Variants in SETD7 observed in about 807,000 individuals in gnomAD.
SETD7 encodes the protein histone-lysine N-methyltransferase SETD7.
A neutral mutation model predicts 41.8 loss-of-function variants in SETD7; 16 were observed. That is an observed-to-expected ratio of 0.38 (90% CI 0.26 to 0.58). SETD7 has a LOEUF of 0.58. SETD7 is among the 20% of genes least tolerant of loss of function. SETD7 has a pLI of 0.64. For missense variants in SETD7, 346 were observed against 459.7 expected (o/e 0.75, Z 2.26); for synonymous variants, 163 against 169.7 (o/e 0.96, Z 0.31).
At chr4:139,524,897 A>G (rs1579209614) in intron 4 of SETD7, among the ~76,000 whole-genome samples, 1 of 151,970 alleles carries the variant, frequency 6.6e-6, no homozygotes, top group African/African-American at 2.4e-5. Context: ...GCTCACTGCA[A>G]CCTCTGCCTC....
At position 139,552,052 on chromosome 4, in the gene SETD7, C is replaced by T. The variant is rs373267270; in HGVS notation, c.40+4046G>A. Among the ~76,000 whole-genome samples, 35 of 151,890 alleles carry T rather than the reference C, an allele frequency of 2.3e-4. 2 individuals carry two copies. The East Asian group carries it at 3.7e-3, about 16-fold the overall frequency. On this transcript the variant is annotated intron_variant, in intron 1 of 7. Transcript: ENST00000274031. ...AACTTTTATTTTAGATCCGGGGGTA[C>T]ATATGAAAGTTTGTTACCTGGATAA...
chr4:139,534,072 C>T (rs1376391096), intron 2 of SETD7, among the ~76,000 whole-genome samples: 1 of 152,090 alleles, frequency 6.6e-6, no homozygotes, highest in Non-Finnish European at 1.5e-5. Flanking sequence ...CTGCTGATAT[C>T]ATTAGCATCC....
intron 2 of SETD7, among the ~76,000 whole-genome samples, chr4:139,536,555 T>C (rs183668274): frequency 6.6e-6 from 1 of 151,704 alleles, no homozygotes; most frequent in African/African-American, 2.4e-5. Context: ...CTACTAAAAA[T>C]ACAAAAATTA....
chr4:139,518,348 C>G (rs1184207425), intron 6 of SETD7, among the ~76,000 whole-genome samples: 4 of 152,078 alleles, frequency 2.6e-5, no homozygotes, highest in Admixed American at 2.0e-4. Flanking sequence ...AGGCTGGTCT[C>G]GAACTCCTGA....
At position 139,508,123 on chromosome 4, in the gene SETD7, A is replaced by T. The variant is rs944333852; in HGVS notation, c.*3540T>A. The T allele has an allele frequency of 4.6e-5, 7 of 152,206 alleles. No homozygotes were observed. Among genetic ancestry groups the T allele is most frequent in the African/African-American group, 1.7e-4 (7 of 41,450 alleles). The allele number at this position is 152,206 out of a possible 1,614,324, so 9.4% of individuals were successfully genotyped here. A position where few individuals can be genotyped will look rare whatever the true frequency, so the allele number is the denominator to read the frequency against. ...ACAACCCTTTAATTCACTGTTCACA[A>T]TTAATGCAATTTTAATAGTTATATT... is the stretch of plus-strand genomic sequence containing the variant. On this transcript the variant is annotated 3_prime_UTR_variant, in exon 8 of 8. Coordinates refer to ENST00000274031, the MANE Select transcript of SETD7 (RefSeq NM_030648.4).
downstream of SETD7, among the ~76,000 whole-genome samples, chr4:139,504,035 A>G (rs763128792): frequency 5.9e-5 from 9 of 152,234 alleles, no homozygotes; most frequent in African/African-American, 9.6e-5. Context: ...AAGCTGAGAA[A>G]GGCAGAGTGG....
intron 6 of SETD7, among the ~76,000 whole-genome samples, chr4:139,518,580 A>AAAGGATTT (rs1403487079): frequency 6.6e-6 from 1 of 152,240 alleles, no homozygotes; most frequent in Non-Finnish European, 1.5e-5. Context: ...ATATGAAAAA[A>AAAGGATTT]AAGGATTTAA....
chr4:139,520,885 C>T (rs1299406632), intron 5 of SETD7, among the ~76,000 whole-genome samples: 1 of 152,136 alleles, frequency 6.6e-6, no homozygotes, highest in East Asian at 1.9e-4. Context: ...TAAGCATTTC[C>T]CAGCAAAAGG....
downstream of SETD7, among the ~76,000 whole-genome samples, chr4:139,503,449 C>T (rs747563542): frequency 9.2e-5 from 14 of 152,176 alleles, no homozygotes; most frequent in African/African-American, 2.4e-4. Flanking sequence ...TCTACTTCTG[C>T]GACCATGTGC....
At chr4:139,554,991 A>G (rs1404902661) in intron 1 of SETD7, among the ~76,000 whole-genome samples, 1 of 152,214 alleles carries the variant, frequency 6.6e-6, no homozygotes, top group Non-Finnish European at 1.5e-5. Context: ...TTATTTACTC[A>G]CATGCTTAGT....
At chr4:139,549,434 T>C (rs1728047752) in intron 1 of SETD7, among the ~76,000 whole-genome samples, 1 of 152,154 alleles carries the variant, frequency 6.6e-6, no homozygotes, top group Admixed American at 6.5e-5. Context: ...TCATATAACA[T>C]ACTGTAAGCC....
chr4:139,497,910 T>C (rs1005057272), intron 7 of SETD7, among the ~76,000 whole-genome samples: 3 of 152,202 alleles, frequency 2.0e-5, no homozygotes, highest in East Asian at 1.9e-4. Context: ...GTGTTTGTTT[T>C]ACAGCATGTC....
chr4:139,539,060 T>A (rs1727714970), intron 2 of SETD7, among the ~76,000 whole-genome samples: 1 of 152,198 alleles, frequency 6.6e-6, no homozygotes, highest in Non-Finnish European at 1.5e-5. Context: ...TCATTAAAAA[T>A]TCCTGTTAGT....
downstream of SETD7, among the ~76,000 whole-genome samples, chr4:139,503,260 T>C (rs553072966): frequency 8.7e-5 from 13 of 150,014 alleles, 1 homozygote; most frequent in South Asian, 2.3e-3. Context: ...AAGAGATCAG[T>C]TGATTGGTAG....
In SETD7 at chr4:139,510,891, T is replaced by G. The variant is rs1187662786; in HGVS notation, c.*772A>C. 6.6e-6 allele frequency: 1 copy of G among 152,658 alleles called. No homozygotes were observed. The highest frequency in any genetic ancestry group is 1.5e-5 in the Non-Finnish European group (1 of 68,046). The allele number at this position is 152,658 out of a possible 1,614,324, so 9.5% of individuals were successfully genotyped here. A position where few individuals can be genotyped will look rare whatever the true frequency, so the allele number is the denominator to read the frequency against. ...GCAAACAAAGTAAATTCATTTCTTCTCACATCTTAAAGCAAAGATATCTTT... is the reference window on the plus strand; with the variant it reads ...GCAAACAAAGTAAATTCATTTCTTCGCACATCTTAAAGCAAAGATATCTTT... On this transcript the variant is annotated 3_prime_UTR_variant, in exon 8 of 8. Coordinates refer to ENST00000274031, the MANE Select transcript of SETD7 (RefSeq NM_030648.4).
intron 5 of SETD7, among the ~76,000 whole-genome samples, chr4:139,522,508 C>T (rs1727203741): frequency 6.6e-6 from 1 of 152,130 alleles, no homozygotes; most frequent in South Asian, 2.1e-4. Context: ...TGTTTTTATG[C>T]CTCTTATACT....
At chr4:139,540,498 C>T (rs117239021) in intron 2 of SETD7, among the ~76,000 whole-genome samples, 67 of 152,304 alleles carry the variant, frequency 4.4e-4, no homozygotes, top group East Asian at 2.1e-3. Flanking sequence ...GAATTGAATT[C>T]GCCTTGGTGT....
At chr4:139,518,466 A>G (rs1727091325) in intron 6 of SETD7, among the ~76,000 whole-genome samples, 1 of 152,164 alleles carries the variant, frequency 6.6e-6, no homozygotes, top group African/African-American at 2.4e-5. Context: ...ATGAAATAAA[A>G]CAAAACAAAA....
chr4:139,504,912 C>T (rs889342615), downstream of SETD7, among the ~76,000 whole-genome samples: 1 of 152,150 alleles, frequency 6.6e-6, no homozygotes, highest in African/African-American at 2.4e-5. Context: ...CTGTATTCCC[C>T]TTTCCCACAA....
Sources: allele counts gnomAD v4.1 joint callset (sites outside exome capture counted in the v4.1 genomes callset), GRCh38; gene constraint gnomAD v4.1.1; transcripts MANE v1.5; gene names NCBI Gene and HGNC (gene_info 2026-07-23, HGNC 2026-07-21).